The following STAG3 variants were observed in gnomAD, a reference collection of about 807,000 sequenced individuals.
STAG3 encodes STAG3 cohesin complex component.
A neutral mutation model predicts 160.7 loss-of-function variants in STAG3; 101 were observed. The observed-to-expected ratio is 0.63, with a 90% CI of 0.54 to 0.74. STAG3 has a LOEUF of 0.74. Ranked by LOEUF, STAG3 falls within the 30% of genes least tolerant of loss-of-function variation. The pLI is 0.00. For missense variants in STAG3, 1,188 were observed against 1,517.4 expected (o/e 0.78, Z 3.61); for synonymous variants, 519 against 585.0 (o/e 0.89, Z 1.63).
chr7:100,201,266 C>T lies in STAG3; in HGVS notation c.2135C>T (p.Thr712Ile), dbSNP rs200564285. ...TLKRLSAFYNTHDLTRWELYE... is the reference protein window; with the variant it reads ...TLKRLSAFYNIHDLTRWELYE... The stretch of plus-strand genomic sequence containing the variant: ...ACATTCCCCTTTCTCCCCCAAAGCA[C>T]TCATGACCTGACTCGCTGGGAGCTC... The change falls in exon 21 of 34, where the codon ACT becomes ATT. Residue 712 changes from threonine to isoleucine, a missense_variant and splice_region_variant. Coordinates refer to ENST00000615138, the MANE Select transcript of STAG3 (RefSeq NM_001282717.2). The T allele has an allele frequency of 1.2e-5, 20 of 1,614,148 alleles. No homozygotes were observed. In the East Asian group the frequency reaches 4.0e-4, roughly 32 times the overall value.
At chr7:100,191,780 AC>A (rs1451217198) in intron 8 of STAG3, among the ~76,000 whole-genome samples, 2 of 152,204 alleles carry the variant, frequency 1.3e-5, no homozygotes, top group African/African-American at 4.8e-5. Context: ...TCTTCCTTTT[AC>A]AAAAAATTTC....
rs1020663463 is a variant in STAG3, at chr7:100,182,986, A to G, written c.336+147A>G. 29 of 892,684 alleles carry G rather than the reference A, an allele frequency of 3.2e-5. No individual in the cohort carries two copies. In the African/African-American group the frequency reaches 4.5e-4, roughly 14 times the overall value. 55.3% of individuals were successfully genotyped at this position (892,684 alleles called of 1,614,324 possible). ...GGTTATGGGGTGAATCCTTGGAGTG[A>G]TAGAAGGGTAACCTTGAATGAGAGA... On this transcript the variant is annotated intron_variant, in intron 4 of 33. Transcript: ENST00000615138.
chr7:100,196,303 C>T (rs1000832308), intron 9 of STAG3, among the ~76,000 whole-genome samples: 1 of 150,916 alleles, frequency 6.6e-6, no homozygotes, highest in Non-Finnish European at 1.5e-5. Flanking sequence ...TTGGCAGGGA[C>T]GGAGTCTCAC....
chr7:100,193,708 C>A (rs1044542394), intron 8 of STAG3, among the ~76,000 whole-genome samples: 2 of 152,176 alleles, frequency 1.3e-5, no homozygotes, highest in African/African-American at 4.8e-5. Flanking sequence ...CTGGATTGGG[C>A]TTTGGCCAAA....
At chr7:100,200,722 C>T (rs1277608841) in intron 18 of STAG3, 47 bp from the exon 19 acceptor site, 1 of 1,597,188 alleles carries the variant, frequency 6.3e-7, no homozygotes, top group East Asian at 2.2e-5. Context: ...AGAAGAGTGT[C>T]CTCCTCCCAT....
chr7:100,197,665 G>C (rs376973168), intron 10 of STAG3, 113 bp from the exon 11 acceptor site: 1 of 870,838 alleles, frequency 1.1e-6, no homozygotes, highest in East Asian at 2.4e-5. Flanking sequence ...CCTCAGTAGA[G>C]GGGACACCCA....
At position 100,205,334 on chromosome 7, in the gene STAG3, C is replaced by T; in HGVS notation, c.3188C>T (p.Ala1063Val). ...TCCCTCAGCCCTGTGGAGAACACAG[C>T]AGAGACCAGCCCTCAGGTCCTCCCC... Reference protein sequence around the residue: ...CHSLSPVENTAETSPQVLPSS... With the variant: ...CHSLSPVENTVETSPQVLPSS... The change falls in exon 29 of 34, where the codon GCA (alanine) becomes GTA (valine). Residue 1063 changes from alanine to valine, a missense_variant. Around this residue, in one of 4 missense-constraint regions of STAG3, gnomAD observed 647 missense variants for 717.2 expected, o/e 0.90. Coordinates refer to ENST00000615138, the MANE Select transcript of STAG3 (RefSeq NM_001282717.2). 1 of 1,614,190 alleles carries T rather than the reference C, an allele frequency of 6.2e-7. No homozygotes were observed. Among genetic ancestry groups the T allele is most frequent in the African/African-American group, 1.3e-5 (1 of 75,068 alleles).
intron 2 of STAG3, among the ~76,000 whole-genome samples, chr7:100,181,703 T>G (rs943246478): frequency 6.6e-6 from 1 of 152,214 alleles, no homozygotes; most frequent in Admixed American, 6.5e-5. Flanking sequence ...ATCCCAACAC[T>G]TTGGGAGGCC....
At chr7:100,192,005 C>G (rs1226435635) in intron 8 of STAG3, among the ~76,000 whole-genome samples, 1 of 152,190 alleles carries the variant, frequency 6.6e-6, no homozygotes, top group South Asian at 2.1e-4. Context: ...TCATAAGAAG[C>G]AATTCCTTAT....
chr7:100,195,419 C>T, intron 9 of STAG3, 37 bp downstream of exon 9: 1 of 1,592,560 alleles, frequency 6.3e-7, no homozygotes, highest in South Asian at 1.1e-5. Flanking sequence ...AGCAGCTGGC[C>T]TTTGGTTATG....
rs1562999666 is a variant in STAG3 at position 100,207,073 on chromosome 7, T to C, written c.3238+1689T>C. On this transcript the variant is annotated intron_variant, in intron 29 of 33. Coordinates refer to ENST00000615138, the MANE Select transcript of STAG3 (RefSeq NM_001282717.2). The surrounding 1 kb of genome is among the most constrained non-coding windows in gnomAD (Gnocchi z 4.0). ...TTGACATATATCAGTATCTCATACC[T>C]TTTTATGGCCGAAACAATATGCCAT... 6.6e-6 allele frequency among the ~76,000 whole-genome samples: 1 copy of C among 152,238 alleles called. No homozygotes were observed. The highest frequency in any genetic ancestry group is 1.5e-5 in the Non-Finnish European group (1 of 68,048).
chr7:100,200,192 T>A (rs756151579), intron 16 of STAG3, 44 bp from the exon 17 acceptor site: 1 of 1,485,280 alleles, frequency 6.7e-7, no homozygotes, highest in Non-Finnish European at 9.3e-7. Context: ...CCTGCACCAG[T>A]GTTTCTTTAC....
At chr7:100,199,804 C>T (rs1340759941) in intron 16 of STAG3, among the ~76,000 whole-genome samples, 160 bp downstream of exon 16, 1 of 151,902 alleles carries the variant, frequency 6.6e-6, no homozygotes, top group Non-Finnish European at 1.5e-5. Flanking sequence ...GCCTATAATC[C>T]CAGCACTTTG....
rs529285678 is a variant in STAG3 at position 100,204,883 on chromosome 7, G to A, written c.2951+108G>A. The A allele has an allele frequency of 5.7e-6, 9 of 1,579,610 alleles. No homozygotes were observed. In the South Asian group the frequency reaches 1.0e-4, roughly 18 times the overall value. On this transcript the variant is annotated intron_variant, in intron 27 of 33. Coordinates refer to ENST00000615138, the MANE Select transcript of STAG3 (RefSeq NM_001282717.2). ...TGTCAAGGCATAGCAGTCAGGTTAG[G>A]GGTGGGTATGCCTTTGGAGACAAGC...
At chr7:100,187,439 A>G (rs1800091796) in intron 5 of STAG3, among the ~76,000 whole-genome samples, 1 of 151,400 alleles carries the variant, frequency 6.6e-6, no homozygotes, top group Non-Finnish European at 1.5e-5. Context: ...ATTTGTACAA[A>G]TAGTGCAAGG....
intron 29 of STAG3, among the ~76,000 whole-genome samples, chr7:100,210,679 C>G (rs934728011): frequency 3.3e-5 from 5 of 152,188 alleles, no homozygotes; most frequent in African/African-American, 1.2e-4. Context: ...GACTCCAACC[C>G]TCCCTCATGT....
chr7:100,198,203 C>A (rs367753133), intron 12 of STAG3, 37 bp downstream of exon 12: 2 of 1,594,634 alleles, frequency 1.3e-6, no homozygotes, highest in Non-Finnish European at 1.7e-6. Flanking sequence ...GTGTCTCAGA[C>A]CTTTGCCCTT....
chr7:100,194,230 C>G (rs1800538862), intron 8 of STAG3, among the ~76,000 whole-genome samples: 1 of 152,190 alleles, frequency 6.6e-6, no homozygotes, highest in Non-Finnish European at 1.5e-5. Context: ...AGGTGTGAGC[C>G]ACTGCACCTG....
At position 100,212,132 on chromosome 7, in the gene STAG3, T is replaced by C. The variant is rs1802280153; in HGVS notation, c.3600+256T>C. The C allele has an allele frequency of 1.6e-5, 6 of 375,832 alleles. No individual in the cohort carries two copies. In the South Asian group the frequency reaches 1.8e-4, roughly 11 times the overall value. The allele number at this position is 375,832 out of a possible 1,614,324, so 23.3% of individuals were successfully genotyped here. On this transcript the variant is annotated intron_variant, in intron 32 of 33. Transcript: ENST00000615138. ...CTCGCTCCCAATCCCTAAATAAATA[T>C]TGTTGCCTCCGAACCCCCTAGGAAT... is the stretch of plus-strand genomic sequence containing the variant.
Sources: allele counts gnomAD v4.1 joint callset (sites outside exome capture counted in the v4.1 genomes callset), GRCh38; gene constraint gnomAD v4.1.1; regional missense constraint gnomAD v4.1.1; non-coding constraint Gnocchi (gnomAD v3.1); transcripts MANE v1.5; gene names NCBI Gene and HGNC (gene_info 2026-07-23, HGNC 2026-07-21).